Variants in ICA1 observed in about 807,000 individuals in gnomAD.
The protein encoded by ICA1 is 69 kDa islet cell autoantigen.
A neutral mutation model predicts 71.0 loss-of-function variants in ICA1; 40 were observed. The observed-to-expected ratio is 0.56, with a 90% CI of 0.44 to 0.73. The LOEUF is 0.73. Among genes scored for constraint, ICA1 ranks in the 30% least tolerant of loss-of-function variants. The pLI, the probability that ICA1 is intolerant of heterozygous loss-of-function variation, is 0.00. For missense variants in ICA1, 578 were observed against 576.5 expected, an observed-to-expected ratio of 1.00 and a Z score of -0.03; for synonymous variants, 207 against 209.5, an observed-to-expected ratio of 0.99 and a Z score of 0.10.
chr7:8,161,518 A>T (rs1386316382), intron 6 of ICA1, among the ~76,000 whole-genome samples: 3 of 152,128 alleles, frequency 2.0e-5, no homozygotes, highest in African/African-American at 7.2e-5. Flanking sequence ...GGTCAATGGG[A>T]TGTTAACAAA....
intron 3 of ICA1, among the ~76,000 whole-genome samples, chr7:8,230,684 A>G (rs990933601): frequency 3.6e-4 from 55 of 152,226 alleles, no homozygotes; most frequent in African/African-American, 1.3e-3. Context: ...AGAAAATACT[A>G]TGAGATATAA....
chr7:8,260,224 G>GA (rs921425130), intron 1 of ICA1, among the ~76,000 whole-genome samples: 20 of 152,124 alleles, frequency 1.3e-4, no homozygotes, highest in African/African-American at 4.1e-4. Context: ...GCTTGCACCT[G>GA]AAAAAAATGT....
In ICA1 at chr7:8,141,754, T is replaced by C; in HGVS notation, c.955+11A>G. 1 of 1,507,306 alleles carries C rather than the reference T, an allele frequency of 6.6e-7. No homozygotes were observed. Among genetic ancestry groups the C allele is most frequent in the South Asian group, 1.2e-5 (1 of 83,710 alleles). The allele number at this position is 1,507,306 out of a possible 1,614,324, so 93.4% of individuals were successfully genotyped here. On this transcript the variant is annotated intron_variant, in intron 10 of 13. Coordinates refer to ENST00000402384, the MANE Select transcript of ICA1 (RefSeq NM_001136020.3). The stretch of plus-strand genomic sequence containing the variant: ...TTTCAGAAGCAATTCTAAATAAAAA[T>C]CAAAACTTACTCTTAAAACTAGAGG...
rs746350078 is a variant in ICA1, at chr7:8,234,314, C to A, written c.18-1559G>T. On this transcript the variant is annotated intron_variant, in intron 2 of 13. Transcript: ENST00000402384. The surrounding 1 kb of genome is among the most constrained non-coding windows in gnomAD (Gnocchi z 4.5). ...AGTGATTGGAGTACCCCAAATATGG[C>A]TGGAAAGTTTGCTGATGGAGTTCCA... is the stretch of plus-strand genomic sequence containing the variant. 1.3e-5 allele frequency among the ~76,000 whole-genome samples: 2 copies of A among 152,158 alleles called. No individual in the cohort carries two copies. Among genetic ancestry groups the A allele is most frequent in the Non-Finnish European group, 2.9e-5 (2 of 68,018 alleles).
In ICA1 at chr7:8,132,878, G is replaced by GCCCATTGGTGAAGCTGCTGGTGCT. The variant is rs1202990776; in HGVS notation, c.1061-4760_1061-4737dup. Reference sequence around the variant, plus strand: ...CCTGTCTGGGAGCCCTTCTGGGTTTGCCCATTGGTGAAGCTGCTGGTGCTC... The same window carrying GCCCATTGGTGAAGCTGCTGGTGCT: ...CCTGTCTGGGAGCCCTTCTGGGTTTGCCCATTGGTGAAGCTGCTGGTGCTCCCATTGGTGAAGCTGCTGGTGCTC... On this transcript the variant is annotated intron_variant, in intron 12 of 13. Coordinates refer to ENST00000402384, the MANE Select transcript of ICA1 (RefSeq NM_001136020.3). The surrounding 1 kb of genome is among the most constrained non-coding windows in gnomAD (Gnocchi z 4.5). 2.6e-5 allele frequency among the ~76,000 whole-genome samples: 4 copies of GCCCATTGGTGAAGCTGCTGGTGCT among 152,212 alleles called. No individual in the cohort carries two copies. Among genetic ancestry groups the GCCCATTGGTGAAGCTGCTGGTGCT allele is most frequent in the Non-Finnish European group, 5.9e-5 (4 of 68,040 alleles).
chr7:8,198,946 T>C (rs546610105), intron 6 of ICA1, among the ~76,000 whole-genome samples: 1 of 152,208 alleles, frequency 6.6e-6, no homozygotes, highest in South Asian at 2.1e-4. Flanking sequence ...AAGATTTGAA[T>C]AGACATTTCT....
chr7:8,177,293 T>C (rs1780917903), intron 6 of ICA1, among the ~76,000 whole-genome samples: 1 of 152,216 alleles, frequency 6.6e-6, no homozygotes, highest in South Asian at 2.1e-4. Context: ...TTTACATTGT[T>C]CCAACATTCT....
At chr7:8,210,231 T>A (rs554227086) in intron 6 of ICA1, among the ~76,000 whole-genome samples, 1 of 152,098 alleles carries the variant, frequency 6.6e-6, no homozygotes, top group Non-Finnish European at 1.5e-5. Flanking sequence ...ACTTTGGAAG[T>A]AGAATTATTA....
chr7:8,221,127 C>A (rs748988704), intron 5 of ICA1, 148 bp downstream of exon 5: 1 of 805,626 alleles, frequency 1.2e-6, no homozygotes, highest in East Asian at 2.7e-5. Context: ...GAGTTAAGTA[C>A]AAACTGCCTA....
chr7:8,152,954 T>TA (rs1800103188), intron 8 of ICA1, among the ~76,000 whole-genome samples: 1 of 144,908 alleles, frequency 6.9e-6, no homozygotes, highest in Non-Finnish European at 1.5e-5. Flanking sequence ...CTTCCACCAC[T>TA]ACCATCATCT....
At chr7:8,206,537 A>G (rs1309458004) in intron 6 of ICA1, among the ~76,000 whole-genome samples, 1 of 152,080 alleles carries the variant, frequency 6.6e-6, no homozygotes, top group Non-Finnish European at 1.5e-5. Flanking sequence ...GATTCTCAAT[A>G]TTTTTAATAC....
At chr7:8,228,573 TC>T (rs749546916) in intron 4 of ICA1, 27 bp downstream of exon 4, 8 of 1,357,584 alleles carry the variant, frequency 5.9e-6, no homozygotes, top group Admixed American at 2.0e-5. Flanking sequence ...TACTATTTGA[TC>T]AATATTCATA....
intron 6 of ICA1, among the ~76,000 whole-genome samples, chr7:8,205,078 CAAAA>C (rs56223249): frequency 1.4e-4 from 15 of 109,616 alleles, no homozygotes; most frequent in African/African-American, 5.0e-4. Context: ...GGAAGACATG[CAAAA>C]AAAAAAAAAA....
At chr7:8,208,870 G>C (rs1792591326) in intron 6 of ICA1, among the ~76,000 whole-genome samples, 1 of 152,150 alleles carries the variant, frequency 6.6e-6, no homozygotes, top group African/African-American at 2.4e-5. Context: ...ATGAAACATG[G>C]AAACAGTCAT....
intron 12 of ICA1, 89 bp downstream of exon 12, chr7:8,138,751 A>C: frequency 1.8e-6 from 2 of 1,136,256 alleles, no homozygotes; most frequent in Non-Finnish European, 2.6e-6. Flanking sequence ...AAAGCTATTA[A>C]AAAGATTAAG....
At chr7:8,241,547 T>C (rs1355092864) in intron 1 of ICA1, among the ~76,000 whole-genome samples, 1 of 148,980 alleles carries the variant, frequency 6.7e-6, no homozygotes, top group Non-Finnish European at 1.5e-5. Context: ...TAATGACAGA[T>C]TAAATTCACA....
chr7:8,151,810 A>G (rs1395114735), intron 8 of ICA1, among the ~76,000 whole-genome samples: 1 of 152,228 alleles, frequency 6.6e-6, no homozygotes, highest in African/African-American at 2.4e-5. Context: ...CAAAGCTAAA[A>G]GCATTCTGGT....
chr7:8,178,497 A>T (rs1781259581), intron 6 of ICA1, among the ~76,000 whole-genome samples: 1 of 152,064 alleles, frequency 6.6e-6, no homozygotes, highest in African/African-American at 2.4e-5. Context: ...GCACAGAAAT[A>T]TACATCATCT....
At chr7:8,201,380 T>C (rs1448530158) in intron 6 of ICA1, among the ~76,000 whole-genome samples, 1 of 152,164 alleles carries the variant, frequency 6.6e-6, no homozygotes, top group East Asian at 1.9e-4. Flanking sequence ...ATGGGGTTAA[T>C]GACAAGAGAA....
Sources: gnomAD v4.1 joint callset for allele counts (sites outside exome capture counted in the v4.1 genomes callset) on GRCh38, gnomAD v4.1.1 for gene constraint, Gnocchi (gnomAD v3.1) non-coding constraint, MANE v1.5 for transcripts, NCBI Gene and HGNC (gene_info 2026-07-23, HGNC 2026-07-21) for gene names.